ANKRD28: variants seen among roughly 807,000 people sequenced by gnomAD.
ANKRD28 encodes the protein ankyrin repeat domain 28.
Under a neutral mutation model 126.5 loss-of-function variants are expected in ANKRD28, and 44 were observed. The observed-to-expected ratio is 0.35, with a 90% CI of 0.27 to 0.45. The LOEUF is 0.45. Ranked by LOEUF, ANKRD28 falls within the 20% of genes least tolerant of loss-of-function variation. ANKRD28 has a pLI of 1.00. For synonymous variants in ANKRD28, 442 were observed against 468.5 expected (o/e 0.94, Z 0.73); for missense variants, 1,110 against 1,316.6 (o/e 0.84, Z 2.43).
chr3:15,830,850 G>A lies in ANKRD28; in HGVS notation c.27+28527C>T, dbSNP rs960194018. On this transcript the variant is annotated intron_variant, in intron 1 of 27. Coordinates refer to the ANKRD28 transcript ENST00000399451. The surrounding 1 kb of genome is among the most constrained non-coding windows in gnomAD (Gnocchi z 4.5). ...CGGAGTATCAGCTTGACCTCTGGAG[G>A]GGATGGAGACTAACATCAGCCACAG... Among the ~76,000 whole-genome samples, 1 of 152,038 alleles carries A rather than the reference G, an allele frequency of 6.6e-6. No homozygotes were observed. The highest frequency in any genetic ancestry group is 2.4e-5 in the African/African-American group (1 of 41,382).
chr3:15,848,286 T>C (rs2061568077), intron 1 of ANKRD28, among the ~76,000 whole-genome samples: 1 of 152,242 alleles, frequency 6.6e-6, no homozygotes, highest in Non-Finnish European at 1.5e-5. Context: ...AATAATGTGA[T>C]CTTGGTTAAA....
chr3:15,801,664 T>A (rs997449396), upstream of ANKRD28, among the ~76,000 whole-genome samples: 9 of 151,938 alleles, frequency 5.9e-5, no homozygotes, highest in Non-Finnish European at 1.2e-4. The surrounding 1 kb of genome is among the most constrained non-coding windows in gnomAD (Gnocchi z 4.9). Context: ...AGGTAGAGGG[T>A]GAGTGGGGAG....
chr3:15,675,003 C>T (rs111397259), intron 27 of ANKRD28, among the ~76,000 whole-genome samples: 2,919 of 152,208 alleles, frequency 0.019, 97 homozygotes, highest in African/African-American at 0.066. Flanking sequence ...GACGCTGTGG[C>T]TCACACCTGT....
At chr3:15,844,057 A>G (rs2061481182) in intron 1 of ANKRD28, among the ~76,000 whole-genome samples, 1 of 152,196 alleles carries the variant, frequency 6.6e-6, no homozygotes, top group African/African-American at 2.4e-5. Context: ...TGAAGAATAA[A>G]GCTCCATAAT....
chr3:15,731,956 GGTCAGAGCT>G (rs1014149499), intron 6 of ANKRD28: 2 of 150,420 alleles, frequency 1.3e-5, no homozygotes, highest in Non-Finnish European at 2.9e-5. Context: ...TCACACTGAA[GGTCAGAGCT>G]GCAATGCAAT....
rs758765281 is a variant in ANKRD28, at chr3:15,713,531, C to T, written c.1186G>A (p.Ala396Thr). 2 of 1,609,978 alleles carry T rather than the reference C, an allele frequency of 1.2e-6. No homozygotes were observed. The highest frequency in any genetic ancestry group is 2.2e-5 in the East Asian group (1 of 44,556). The change falls in exon 10 of 28, where the codon GCA becomes ACA. Residue 396 changes from alanine to threonine, a missense_variant. Coordinates refer to ENST00000683139, the MANE Select transcript of ANKRD28 (RefSeq NM_001349278.2). Reference sequence around the variant, plus strand: ...AACACCTCGGTAAGTACTTACTTTGCAGTGTCAGCACCACTTGTAATAAGA... The same window carrying T: ...AACACCTCGGTAAGTACTTACTTTGTAGTGTCAGCACCACTTGTAATAAGA... ...NTLITSGADT[A>T]KRGIHGMFPL...
chr3:15,698,832 T>C (rs535737543), intron 14 of ANKRD28, among the ~76,000 whole-genome samples: 2 of 152,296 alleles, frequency 1.3e-5, no homozygotes, highest in African/African-American at 4.8e-5. Flanking sequence ...ACTTTATAGA[T>C]TGAATGCCAT....
chr3:15,753,974 G>A (rs1233496950), intron 3 of ANKRD28, among the ~76,000 whole-genome samples: 3 of 152,060 alleles, frequency 2.0e-5, no homozygotes, highest in Admixed American at 2.0e-4. Context: ...ACAAAAAACT[G>A]AGGAGACTCT....
At position 15,711,358 on chromosome 3, in the gene ANKRD28, C is replaced by A. The variant is rs2072251135; in HGVS notation, c.1274-84G>T. The stretch of plus-strand genomic sequence containing the variant: ...TGTCATGAAACATCAAGAATCACAT[C>A]CTCCCCTCCAATCCCAAACAAAACT... On this transcript the variant is annotated intron_variant, in intron 11 of 27. Transcript: ENST00000683139. 3.1e-5 allele frequency: 37 copies of A among 1,188,816 alleles called. No homozygotes were observed. In the Middle Eastern group the frequency reaches 7.2e-4, roughly 23 times the overall value. 73.6% of individuals were successfully genotyped at this position (1,188,816 alleles called of 1,614,324 possible). A position where few individuals can be genotyped will look rare whatever the true frequency, so the allele number is the denominator to read the frequency against.
intron 4 of ANKRD28, among the ~76,000 whole-genome samples, chr3:15,747,352 A>G (rs1324192905): frequency 6.6e-6 from 1 of 152,114 alleles, no homozygotes; most frequent in Non-Finnish European, 1.5e-5. Context: ...CTTTCCACTT[A>G]GCACTACTTT....
At chr3:15,755,859 C>T (rs1353109635) in intron 3 of ANKRD28, among the ~76,000 whole-genome samples, 1 of 152,178 alleles carries the variant, frequency 6.6e-6, no homozygotes. Flanking sequence ...GAATATAAAA[C>T]AGCAGTCCCT....
intron 24 of ANKRD28, 53 bp downstream of exon 24, chr3:15,678,156 A>T: frequency 6.6e-7 from 1 of 1,512,352 alleles, no homozygotes; most frequent in Admixed American, 2.0e-5. Context: ...TCTAAGTTAT[A>T]CATAAGTGAT....
At position 15,712,344 on chromosome 3, in the gene ANKRD28, C is replaced by T. The variant is rs147297830; in HGVS notation, c.1191-122G>A. The stretch of plus-strand genomic sequence containing the variant: ...CTAAGAGCCAAAATGTCTAACACTT[C>T]GGAGAGTAATTTGGTTAAAGTTTGA... On this transcript the variant is annotated intron_variant, in intron 10 of 27. Transcript: ENST00000683139. The T allele has an allele frequency of 1.9e-4, 149 of 765,994 alleles. 1 individual carries two copies. The East Asian group carries it at 3.8e-3, about 19-fold the overall frequency. The allele number at this position is 765,994 out of a possible 1,614,324, so 47.4% of individuals were successfully genotyped here.
intron 2 of ANKRD28, among the ~76,000 whole-genome samples, chr3:15,784,018 G>T (rs2059658323): frequency 6.6e-6 from 1 of 151,714 alleles, no homozygotes; most frequent in Non-Finnish European, 1.5e-5. Context: ...AGAGTCCGGA[G>T]AAATATTTAA....
chr3:15,782,492 A>G (rs1256990054), intron 2 of ANKRD28, among the ~76,000 whole-genome samples: 1 of 152,088 alleles, frequency 6.6e-6, no homozygotes, highest in Non-Finnish European at 1.5e-5. Context: ...TCAAAATAGC[A>G]CATTTAAATG....
chr3:15,785,646 G>A (rs1444155658), intron 2 of ANKRD28, among the ~76,000 whole-genome samples: 1 of 151,980 alleles, frequency 6.6e-6, no homozygotes, highest in Non-Finnish European at 1.5e-5. Context: ...CACTTTGACA[G>A]GTTTTTTAAC....
Position 15,707,977 on chromosome 3 carries a change from A to G in ANKRD28, c.1494T>C (p.Asp498=). 1 of 1,612,670 alleles carries G rather than the reference A, an allele frequency of 6.2e-7. No individual in the cohort carries two copies. Among genetic ancestry groups the G allele is most frequent in the South Asian group, 1.1e-5 (1 of 90,756 alleles). The change falls in exon 14 of 28, where the codon GAT becomes GAC. Residue 498 remains aspartate, a synonymous_variant. Transcript: ENST00000683139. ...AGTGCAGGGGTGTGCAGCCTCTTTC[A>G]TCAAGGTCATTCACACTTGCTCCTG... is the stretch of plus-strand genomic sequence containing the variant. ...VGSGASVNDL[D]ERGCTPLHYA...
intron 2 of ANKRD28, among the ~76,000 whole-genome samples, chr3:15,771,370 A>G (rs936926246): frequency 6.8e-6 from 1 of 148,042 alleles, no homozygotes; most frequent in Non-Finnish European, 1.5e-5. Flanking sequence ...AGATCCCGCC[A>G]CTGCACTGCA....
At chr3:15,725,534 T>G (rs2470522) in intron 6 of ANKRD28, among the ~76,000 whole-genome samples, 1 of 152,110 alleles carries the variant, frequency 6.6e-6, no homozygotes, top group Admixed American at 6.5e-5. Context: ...TCTTAAAAAT[T>G]GAAAGTTTGT....
Sources: gnomAD v4.1 joint callset for allele counts (sites outside exome capture counted in the v4.1 genomes callset) on GRCh38, gnomAD v4.1.1 for gene constraint, Gnocchi (gnomAD v3.1) non-coding constraint, MANE v1.5 for transcripts, NCBI Gene and HGNC (gene_info 2026-07-23, HGNC 2026-07-21) for gene names.